TSHZ2: variants seen among roughly 807,000 people sequenced by gnomAD.
TSHZ2 encodes the protein teashirt zinc finger homeobox 2.
TSHZ2 carries 21 observed loss-of-function variants against 74.4 expected under a neutral mutation model. The ratio of observed to expected loss-of-function variants is 0.28; its 90% CI spans 0.20 to 0.41. The LOEUF is 0.41. Among genes scored for constraint, TSHZ2 ranks in the 10% least tolerant of loss-of-function variants. The pLI, the probability that TSHZ2 is intolerant of heterozygous loss-of-function variation, is 1.00. For synonymous variants in TSHZ2, 540 were observed against 515.3 expected (o/e 1.05, Z -0.65); for missense variants, 1,244 against 1,293.5 (o/e 0.96, Z 0.59).
chr20:53,100,035 G>T (rs1675558161), intron 1 of TSHZ2, among the ~76,000 whole-genome samples: 2 of 152,168 alleles, frequency 1.3e-5, no homozygotes, highest in Admixed American at 1.3e-4. Flanking sequence ...CAGGGGCTGG[G>T]CTGAGGCCAC....
intron 2 of TSHZ2, among the ~76,000 whole-genome samples, chr20:53,423,060 G>T (rs1402869023): frequency 6.6e-6 from 1 of 152,134 alleles, no homozygotes; most frequent in Non-Finnish European, 1.5e-5. Flanking sequence ...AAGGCGTCTA[G>T]CCAGATGAGA....
At position 53,354,817 on chromosome 20, in the gene TSHZ2, T is replaced by C. The variant is rs147138220; in HGVS notation, c.*8+98246T>C. Among the ~76,000 whole-genome samples, 524 of 152,328 alleles carry C rather than the reference T, an allele frequency of 3.4e-3. 3 individuals carry two copies. The highest frequency in any genetic ancestry group is 0.012 in the African/African-American group (498 of 41,574). ...CCCTTTTATGATATACAATTAATTG[T>C]AAGTTATTTCCCCTTGTATGCAACC... is the stretch of plus-strand genomic sequence containing the variant. On this transcript the variant is annotated intron_variant, in intron 2 of 2. Transcript: ENST00000371497.
At chr20:53,261,729 A>C (rs775231798) in intron 2 of TSHZ2, among the ~76,000 whole-genome samples, 1 of 152,230 alleles carries the variant, frequency 6.6e-6, no homozygotes, top group Non-Finnish European at 1.5e-5. Flanking sequence ...CCAATCTGCC[A>C]TCAGTATCAT....
chr20:53,408,282 A>G (rs1982920173), intron 2 of TSHZ2, among the ~76,000 whole-genome samples: 1 of 152,174 alleles, frequency 6.6e-6, no homozygotes, highest in Non-Finnish European at 1.5e-5. Flanking sequence ...CCAGCGTTCG[A>G]CACAGAGTCC....
intron 2 of TSHZ2, among the ~76,000 whole-genome samples, chr20:53,300,280 C>CA (rs1991456303): frequency 6.6e-6 from 1 of 152,224 alleles, no homozygotes; most frequent in African/African-American, 2.4e-5. Flanking sequence ...AAGAGGCCTT[C>CA]AAGTCACTGC....
chr20:53,432,696 C>A lies in TSHZ2; in HGVS notation c.*9-54448C>A, dbSNP rs559043263. Reference sequence around the variant, plus strand: ...TGGGGTAAGGTGACAAAATGCTCAACATTGCTAATCATCAGGGAAAAGCAA... The same window carrying A: ...TGGGGTAAGGTGACAAAATGCTCAAAATTGCTAATCATCAGGGAAAAGCAA... On this transcript the variant is annotated intron_variant, in intron 2 of 2. Transcript: ENST00000371497. 2.6e-5 allele frequency among the ~76,000 whole-genome samples: 4 copies of A among 152,282 alleles called. No individual in the cohort carries two copies. The South Asian group carries it at 8.3e-4, about 32-fold the overall frequency.
chr20:53,352,456 CA>C (rs1980685094), intron 2 of TSHZ2, among the ~76,000 whole-genome samples: 1 of 151,930 alleles, frequency 6.6e-6, no homozygotes, highest in African/African-American at 2.4e-5. Context: ...TGCACTTCAT[CA>C]AAGGGATTTG....
chr20:53,052,274 G>T (rs547238973), intron 1 of TSHZ2, among the ~76,000 whole-genome samples: 2 of 152,236 alleles, frequency 1.3e-5, no homozygotes, highest in Admixed American at 6.5e-5. Flanking sequence ...TAGCACAGGG[G>T]TCCTCAACCC....
intron 1 of TSHZ2, among the ~76,000 whole-genome samples, chr20:53,007,642 CGT>C (rs1568716654): frequency 6.7e-6 from 1 of 149,354 alleles, no homozygotes; most frequent in East Asian, 2.0e-4. Context: ...TGTGTATACT[CGT>C]GTGTGTATGT....
chr20:53,144,127 T>C (rs1184018342), intron 1 of TSHZ2, among the ~76,000 whole-genome samples: 1 of 152,170 alleles, frequency 6.6e-6, no homozygotes, highest in East Asian at 1.9e-4. Flanking sequence ...GTCTGCATAA[T>C]ACCTCAAGCA....
At chr20:53,426,382 T>C (rs965072938) in intron 2 of TSHZ2, among the ~76,000 whole-genome samples, 1 of 152,170 alleles carries the variant, frequency 6.6e-6, no homozygotes, top group Non-Finnish European at 1.5e-5. Flanking sequence ...GACCCTTGGC[T>C]CAGAACTTCT....
At chr20:53,115,921 T>C (rs1055209280) in intron 1 of TSHZ2, among the ~76,000 whole-genome samples, 2 of 152,130 alleles carry the variant, frequency 1.3e-5, no homozygotes, top group African/African-American at 2.4e-5. Flanking sequence ...AATGAGTGGA[T>C]TGATGGATGT....
chr20:53,153,306 G>A (rs1431194205), intron 1 of TSHZ2, among the ~76,000 whole-genome samples: 2 of 152,128 alleles, frequency 1.3e-5, no homozygotes, highest in African/African-American at 4.8e-5. Context: ...GCCAAAGCAG[G>A]CAGTGGCCTA....
At chr20:53,383,908 T>C (rs1981949057) in intron 2 of TSHZ2, among the ~76,000 whole-genome samples, 1 of 152,200 alleles carries the variant, frequency 6.6e-6, no homozygotes, top group African/African-American at 2.4e-5. Flanking sequence ...TCCCTTAATA[T>C]GATTTCAGGA....
At chr20:53,070,925 G>C (rs553384415) in intron 1 of TSHZ2, among the ~76,000 whole-genome samples, 1 of 152,166 alleles carries the variant, frequency 6.6e-6, no homozygotes, top group Non-Finnish European at 1.5e-5. Context: ...ATTACTGGTA[G>C]TCTGACACAT....
chr20:53,047,571 G>A (rs1318275294), intron 1 of TSHZ2, among the ~76,000 whole-genome samples: 1 of 152,158 alleles, frequency 6.6e-6, no homozygotes, highest in African/African-American at 2.4e-5. Context: ...TCTGACAGAG[G>A]CTGGGAAATG....
At chr20:53,393,112 G>A (rs765900422) in intron 2 of TSHZ2, among the ~76,000 whole-genome samples, 3 of 152,158 alleles carry the variant, frequency 2.0e-5, no homozygotes, top group Non-Finnish European at 4.4e-5. Context: ...TTACAGGCAA[G>A]CCACCACACC....
chr20:53,033,517 C>G (rs547567270), intron 1 of TSHZ2, among the ~76,000 whole-genome samples: 65 of 152,106 alleles, frequency 4.3e-4, no homozygotes, highest in Admixed American at 1.6e-3. Context: ...CTTCTAACGT[C>G]TCCTGCAAGG....
At chr20:53,362,791 C>T (rs2145607377) in intron 2 of TSHZ2, among the ~76,000 whole-genome samples, 1 of 152,134 alleles carries the variant, frequency 6.6e-6, no homozygotes, top group South Asian at 2.1e-4. Context: ...TAAATACTTC[C>T]CTTGTATTTG....
Sources: allele counts gnomAD v4.1 joint callset (sites outside exome capture counted in the v4.1 genomes callset), GRCh38; gene constraint gnomAD v4.1.1; transcripts MANE v1.5; gene names NCBI Gene and HGNC (gene_info 2026-07-23, HGNC 2026-07-21).